The following MAP3K20 variants were observed in gnomAD, a reference collection of about 807,000 sequenced individuals.
MAP3K20 encodes HCCS-4.
A neutral mutation model predicts 85.7 loss-of-function variants in MAP3K20; 40 were observed. The ratio of observed to expected loss-of-function variants is 0.47; its 90% CI spans 0.36 to 0.61. The LOEUF (loss-of-function observed/expected upper bound fraction) is 0.61. Ranked by LOEUF, MAP3K20 falls within the 20% of genes least tolerant of loss-of-function variation. The pLI, the probability that MAP3K20 is intolerant of heterozygous loss-of-function variation, is 0.00. For synonymous variants in MAP3K20, 325 were observed against 327.7 expected, an observed-to-expected ratio of 0.99 and a Z score of 0.09; for missense variants, 817 against 961.7, an observed-to-expected ratio of 0.85 and a Z score of 1.99.
chr2:173,085,955 C>T (rs986724042), intron 1 of MAP3K20, among the ~76,000 whole-genome samples: 11 of 151,868 alleles, frequency 7.2e-5, no homozygotes, highest in African/African-American at 2.4e-4. Context: ...GCCACCATGC[C>T]TGGCTAATTT....
At chr2:173,142,963 G>T (rs954697039) in intron 2 of MAP3K20, among the ~76,000 whole-genome samples, 1 of 152,054 alleles carries the variant, frequency 6.6e-6, no homozygotes, top group African/African-American at 2.4e-5. Flanking sequence ...GGAGTTCAAG[G>T]CTGCAGTGAG....
chr2:173,088,882 T>C (rs571345652), intron 1 of MAP3K20, among the ~76,000 whole-genome samples: 1 of 152,360 alleles, frequency 6.6e-6, no homozygotes, highest in Admixed American at 6.5e-5. Context: ...AGACTATATT[T>C]GGATACTATG....
intron 2 of MAP3K20, among the ~76,000 whole-genome samples, chr2:173,093,871 C>T (rs1048177173): frequency 2.6e-5 from 4 of 151,718 alleles, no homozygotes; most frequent in Non-Finnish European, 4.4e-5. Context: ...TCATCATTCT[C>T]AGTAAACTAT....
At chr2:173,251,198 A>G (rs1049193524) in intron 16 of MAP3K20, among the ~76,000 whole-genome samples, 28 of 152,294 alleles carry the variant, frequency 1.8e-4, no homozygotes, top group Non-Finnish European at 3.7e-4. Context: ...TGGCTCTTCC[A>G]GTCTTCCCTT....
chr2:173,179,704 G>GCGCACACACACACACA, intron 3 of MAP3K20, among the ~76,000 whole-genome samples: 1 of 146,176 alleles, frequency 6.8e-6, no homozygotes, highest in East Asian at 2.1e-4. Context: ...TAAGGAATGC[G>GCGCACACACACACACA]CACACACACA....
At chr2:173,079,815 T>C (rs1377357050) in intron 1 of MAP3K20, among the ~76,000 whole-genome samples, 1 of 152,096 alleles carries the variant, frequency 6.6e-6, no homozygotes, top group Non-Finnish European at 1.5e-5. Flanking sequence ...TATATGGAGC[T>C]GCCATCTCCC....
intron 1 of MAP3K20, among the ~76,000 whole-genome samples, chr2:173,081,789 G>T (rs910415240): frequency 1.5e-4 from 23 of 152,272 alleles, no homozygotes; most frequent in Middle Eastern, 3.4e-3. Context: ...GTTCATGACT[G>T]CTTCCCTCAG....
chr2:173,195,931 A>G lies in MAP3K20; in HGVS notation c.583-2095A>G, dbSNP rs1017187163. Among the ~76,000 whole-genome samples the G allele has an allele frequency of 2.1e-4, 32 of 152,328 alleles. 1 individual carries two copies. The highest frequency in any genetic ancestry group is 7.7e-4 in the African/African-American group (32 of 41,578). ...CGGTTAGAGCTCTCAGAGAAATATA[A>G]CTTAAATTTTATTAGATTTTGGACA... On this transcript the variant is annotated intron_variant, in intron 7 of 19. Transcript: ENST00000375213.
intron 14 of MAP3K20, among the ~76,000 whole-genome samples, chr2:173,236,975 T>C (rs2106335357): frequency 6.7e-6 from 1 of 150,126 alleles, no homozygotes; most frequent in African/African-American, 2.4e-5. Flanking sequence ...TCTCAGTCCT[T>C]AAATGGTAGG....
At chr2:173,088,647 A>T (rs1039981961) in intron 1 of MAP3K20, among the ~76,000 whole-genome samples, 1 of 152,200 alleles carries the variant, frequency 6.6e-6, no homozygotes, top group African/African-American at 2.4e-5. Flanking sequence ...TAATGCTTTT[A>T]TAAAAATAAT....
chr2:173,184,493 C>T lies in MAP3K20; in HGVS notation c.349+1538C>T, dbSNP rs1364675217. ...CTCCCTGCACCCCCTTAACCACATG[C>T]CACATCATCCCGACTGAGGGATAAG... On this transcript the variant is annotated intron_variant, in intron 4 of 19. Transcript: ENST00000375213. Among the ~76,000 whole-genome samples the T allele has an allele frequency of 3.3e-5, 5 of 152,188 alleles. No homozygotes were observed. The East Asian group carries it at 7.7e-4, about 23-fold the overall frequency.
chr2:173,147,284 T>C (rs967088918), intron 2 of MAP3K20, among the ~76,000 whole-genome samples: 1 of 152,246 alleles, frequency 6.6e-6, no homozygotes, highest in Admixed American at 6.5e-5. Context: ...GTCATGAAGA[T>C]TTACTTCTAA....
chr2:173,222,386 A>T, intron 11 of MAP3K20: 2 of 985,870 alleles, frequency 2.0e-6, no homozygotes, highest in Non-Finnish European at 2.4e-6. Context: ...ATTTGAAGGA[A>T]AAATACCCTG....
intron 9 of MAP3K20, among the ~76,000 whole-genome samples, chr2:173,204,216 TTATG>T (rs1293812210): frequency 2.0e-5 from 3 of 152,200 alleles, no homozygotes; most frequent in Admixed American, 6.5e-5. Flanking sequence ...TCCAAACACT[TTATG>T]TATGTTAACT....
At chr2:173,264,551 C>A (rs1455461305) in intron 19 of MAP3K20, among the ~76,000 whole-genome samples, 4 of 152,166 alleles carry the variant, frequency 2.6e-5, no homozygotes, top group South Asian at 2.1e-4. Flanking sequence ...TCTGCTTTGG[C>A]CAGAATGGAG....
chr2:173,090,762 AT>A, intron 1 of MAP3K20: 1 of 1,111,614 alleles, frequency 9.0e-7, no homozygotes, highest in Non-Finnish European at 1.1e-6. Context: ...TATCTGAGCC[AT>A]TTCTCTGTGG....
At chr2:173,142,988 T>C (rs1381198150) in intron 2 of MAP3K20, among the ~76,000 whole-genome samples, 1 of 151,138 alleles carries the variant, frequency 6.6e-6, no homozygotes. Flanking sequence ...GATCACACCA[T>C]CGCACTCCAG....
chr2:173,226,049 C>T lies in MAP3K20; in HGVS notation c.988-3640C>T, dbSNP rs1467313159. On this transcript the variant is annotated intron_variant, in intron 11 of 19. Transcript: ENST00000375213. ...CCAGTGAAAAGACGTTGAAAGCCTACAGCTCACTGTTTTTGGTGCTCTGGA... is the reference window on the plus strand; with the variant it reads ...CCAGTGAAAAGACGTTGAAAGCCTATAGCTCACTGTTTTTGGTGCTCTGGA... The T allele has an allele frequency of 8.1e-6, 8 of 985,278 alleles. No homozygotes were observed. In the African/African-American group the frequency reaches 1.2e-4, roughly 15 times the overall value. The allele number at this position is 985,278 out of a possible 1,614,324, so 61.0% of individuals were successfully genotyped here. A position where few individuals can be genotyped will look rare whatever the true frequency, so the allele number is the denominator to read the frequency against.
chr2:173,097,429 A>T (rs1687495452), intron 2 of MAP3K20, among the ~76,000 whole-genome samples: 1 of 152,220 alleles, frequency 6.6e-6, no homozygotes. Flanking sequence ...TATATTTGAT[A>T]ATAAATTGAA....
Sources: gnomAD v4.1 joint callset for allele counts (sites outside exome capture counted in the v4.1 genomes callset) on GRCh38, gnomAD v4.1.1 for gene constraint, MANE v1.5 for transcripts, NCBI Gene and HGNC (gene_info 2026-07-23, HGNC 2026-07-21) for gene names.